EPHB2: variants seen among roughly 807,000 people sequenced by gnomAD.
EPHB2 encodes ephrin type-B receptor 2.
Under a neutral mutation model 96.4 loss-of-function variants are expected in EPHB2, and 18 were observed. That is an observed-to-expected ratio of 0.19 (90% CI 0.13 to 0.28). EPHB2 has a LOEUF of 0.28. EPHB2 is among the 10% of genes least tolerant of loss of function. EPHB2 has a pLI of 1.00. For synonymous variants in EPHB2, 506 were observed against 534.1 expected (o/e 0.95, Z 0.72); for missense variants, 989 against 1,355.4 (o/e 0.73, Z 4.25).
rs543651225 is a variant in EPHB2 at position 22,892,937 on chromosome 1, C to T, written c.1482C>T (p.Thr494=). ...TAIKSPTNTV[T]VQGLKAGAIY... The stretch of plus-strand genomic sequence containing the variant: ...TAAAAAGCCCCACCAACACGGTCAC[C>T]GTGCAGGGCCTCAAAGCCGGCGCCA... Residue 494 remains threonine (T), a synonymous_variant, in exon 7 of 16, where the codon ACC becomes ACT. Coordinates refer to ENST00000374630, the MANE Select transcript of EPHB2 (RefSeq NM_017449.5). 7 of 1,614,220 alleles carry T rather than the reference C, an allele frequency of 4.3e-6. No individual in the cohort carries two copies. Among genetic ancestry groups the T allele is most frequent in the East Asian group, 4.5e-5 (2 of 44,882 alleles).
chr1:22,759,389 T>C (rs1644203425), intron 1 of EPHB2, among the ~76,000 whole-genome samples: 2 of 152,148 alleles, frequency 1.3e-5, no homozygotes, highest in Admixed American at 6.5e-5. Context: ...CCTGTTACTC[T>C]TTATTGCACT....
intron 1 of EPHB2, among the ~76,000 whole-genome samples, chr1:22,725,836 G>A (rs961949497): frequency 6.6e-6 from 1 of 152,226 alleles, no homozygotes; most frequent in Non-Finnish European, 1.5e-5. Context: ...CTTGAGAGCA[G>A]ACTGATGCTG....
At chr1:22,729,076 G>A (rs1228822526) in intron 1 of EPHB2, among the ~76,000 whole-genome samples, 1 of 152,194 alleles carries the variant, frequency 6.6e-6, no homozygotes, top group Non-Finnish European at 1.5e-5. Flanking sequence ...TCGGGGTAAT[G>A]CCTCCCAGTT....
At chr1:22,876,814 G>A (rs567788633) in intron 5 of EPHB2, among the ~76,000 whole-genome samples, 1 of 152,332 alleles carries the variant, frequency 6.6e-6, no homozygotes, top group East Asian at 1.9e-4. Flanking sequence ...GGCTAGCCCT[G>A]CTGGCCCCCA....
intron 3 of EPHB2, among the ~76,000 whole-genome samples, chr1:22,797,928 C>T (rs1570295408): frequency 1.3e-5 from 2 of 152,282 alleles, no homozygotes; most frequent in African/African-American, 4.8e-5. Flanking sequence ...CCAAATGTCA[C>T]CTGCTCACTG....
intron 5 of EPHB2, among the ~76,000 whole-genome samples, chr1:22,878,187 C>A (rs1015962574): frequency 4.5e-4 from 69 of 152,226 alleles, no homozygotes; most frequent in Non-Finnish European, 3.1e-4. Context: ...AACAGAGCAG[C>A]CCCTGCTGAA....
chr1:22,873,031 C>T (rs1274302255), intron 5 of EPHB2, among the ~76,000 whole-genome samples: 1 of 152,208 alleles, frequency 6.6e-6, no homozygotes, highest in Non-Finnish European at 1.5e-5. Flanking sequence ...CCTAGAGTAT[C>T]ATTTAAGATT....
chr1:22,731,699 G>A (rs1411415023), intron 1 of EPHB2, among the ~76,000 whole-genome samples: 1 of 152,176 alleles, frequency 6.6e-6, no homozygotes, highest in Non-Finnish European at 1.5e-5. Flanking sequence ...AATTAGCCAG[G>A]CGTGGTGGCG....
At chr1:22,900,738 C>G (rs1639723094) in intron 9 of EPHB2, among the ~76,000 whole-genome samples, 1 of 152,098 alleles carries the variant, frequency 6.6e-6, no homozygotes, top group African/African-American at 2.4e-5. Flanking sequence ...GCCTAAGATC[C>G]CCCTCCCTGC....
At chr1:22,771,518 G>A (rs988850678) in intron 1 of EPHB2, among the ~76,000 whole-genome samples, 3 of 152,162 alleles carry the variant, frequency 2.0e-5, no homozygotes, top group African/African-American at 7.2e-5. Context: ...TAAGCAACTG[G>A]GGTTCCCAGG....
intron 3 of EPHB2, among the ~76,000 whole-genome samples, chr1:22,828,443 G>A (rs944080267): frequency 5.3e-5 from 8 of 152,134 alleles, no homozygotes; most frequent in Non-Finnish European, 1.0e-4. Context: ...ACATCTGCAC[G>A]GATGAGCATT....
chr1:22,803,612 A>T (rs553698236), intron 3 of EPHB2, among the ~76,000 whole-genome samples: 27 of 141,162 alleles, frequency 1.9e-4, no homozygotes, highest in African/African-American at 7.2e-4. Context: ...TCTCAAAAAA[A>T]AATAATATAT....
intron 1 of EPHB2, among the ~76,000 whole-genome samples, chr1:22,753,502 G>A (rs567133333): frequency 6.6e-5 from 10 of 152,214 alleles, no homozygotes; most frequent in East Asian, 3.9e-4. Flanking sequence ...TGGAGGAAGC[G>A]CAGGCACCAA....
In EPHB2 at chr1:22,874,245, C is replaced by A. The variant is rs1412203789; in HGVS notation, c.1304-8114C>A. Among the ~76,000 whole-genome samples the A allele has an allele frequency of 2.0e-5, 3 of 152,216 alleles. No individual in the cohort carries two copies. In the East Asian group the frequency reaches 5.8e-4, roughly 29 times the overall value. ...GCTAATCACTTTACAAACAGGTCTT[C>A]ATTTAACCTTCCTTGCCCATTCACA... On this transcript the variant is annotated intron_variant, in intron 5 of 15. Transcript: ENST00000374630.
intron 1 of EPHB2, among the ~76,000 whole-genome samples, chr1:22,753,764 TTCTC>T (rs1021064603): frequency 6.6e-6 from 1 of 152,128 alleles, no homozygotes; most frequent in Non-Finnish European, 1.5e-5. Flanking sequence ...TCCTTTCACT[TTCTC>T]TCAATAACCT....
intron 3 of EPHB2, among the ~76,000 whole-genome samples, chr1:22,818,906 C>T (rs1177109580): frequency 6.6e-6 from 1 of 152,166 alleles, no homozygotes; most frequent in Non-Finnish European, 1.5e-5. Context: ...TCTTTCTCTC[C>T]ACTACACAGA....
In EPHB2 at chr1:22,796,441, T is replaced by C. The variant is rs572823299; in HGVS notation, c.811+11365T>C. ...TACTGTTTTCATAACGAGGATTTTGTTTTCTGGTCACAGTAACCTGCTTGC... is the reference window on the plus strand; with the variant it reads ...TACTGTTTTCATAACGAGGATTTTGCTTTCTGGTCACAGTAACCTGCTTGC... On this transcript the variant is annotated intron_variant, in intron 3 of 15. Transcript: ENST00000374630. Among the ~76,000 whole-genome samples, 6 of 152,322 alleles carry C rather than the reference T, an allele frequency of 3.9e-5. No homozygotes were observed. In the East Asian group the frequency reaches 1.2e-3, roughly 29 times the overall value.
intron 3 of EPHB2, among the ~76,000 whole-genome samples, chr1:22,786,552 A>G (rs1049762211): frequency 1.1e-4 from 17 of 152,220 alleles, no homozygotes; most frequent in African/African-American, 4.1e-4. Context: ...TAAATCTACC[A>G]GCTCTGTGCT....
At chr1:22,902,372 G>C (rs1557746707) in intron 9 of EPHB2, among the ~76,000 whole-genome samples, 1 of 152,164 alleles carries the variant, frequency 6.6e-6, no homozygotes, top group Non-Finnish European at 1.5e-5. Context: ...TTCAATAAGT[G>C]TTTACTAAGC....
Sources: gnomAD v4.1 joint callset for allele counts (sites outside exome capture counted in the v4.1 genomes callset) on GRCh38, gnomAD v4.1.1 for gene constraint, MANE v1.5 for transcripts, NCBI Gene and HGNC (gene_info 2026-07-23, HGNC 2026-07-21) for gene names.